Variants in HECW1 observed in about 807,000 individuals in gnomAD.
HECW1 encodes E3 ubiquitin-protein ligase HECW1.
HECW1 carries 61 observed loss-of-function variants against 182.3 expected under a neutral mutation model. That is an observed-to-expected ratio of 0.33 (90% CI 0.27 to 0.41). The LOEUF (loss-of-function observed/expected upper bound fraction) is 0.41, where lower values mean the gene tolerates loss of function less well. Among genes scored for constraint, HECW1 ranks in the 10% least tolerant of loss-of-function variants. The pLI is 1.00. For missense variants in HECW1, 1,739 were observed against 2,108.9 expected (o/e 0.82, Z 3.44); for synonymous variants, 859 against 832.6 (o/e 1.03, Z -0.55).
At chr7:43,233,589 G>C (rs540309880) in intron 2 of HECW1, among the ~76,000 whole-genome samples, 1 of 152,166 alleles carries the variant, frequency 6.6e-6, no homozygotes, top group Non-Finnish European at 1.5e-5. Context: ...TTTTATGAAA[G>C]CTTCCAAAAT....
chr7:43,483,365 A>C (rs1431905018), intron 17 of HECW1, among the ~76,000 whole-genome samples: 1 of 151,916 alleles, frequency 6.6e-6, no homozygotes, highest in East Asian at 1.9e-4. Context: ...CAGTTCCCCA[A>C]GTCATTATGA....
chr7:43,254,964 G>A (rs4640969), intron 3 of HECW1, among the ~76,000 whole-genome samples: 2 of 152,178 alleles, frequency 1.3e-5, no homozygotes, highest in Middle Eastern at 3.2e-3. Flanking sequence ...TGTTGACTAA[G>A]GATAGCTTTG....
At chr7:43,505,069 T>C (rs1374848123) in intron 21 of HECW1, among the ~76,000 whole-genome samples, 1 of 150,496 alleles carries the variant, frequency 6.6e-6, no homozygotes, top group Non-Finnish European at 1.5e-5. Context: ...TCCCTGGCCA[T>C]TCCCGCAGCC....
chr7:43,276,120 A>AT (rs930915203), intron 3 of HECW1, among the ~76,000 whole-genome samples: 4 of 151,890 alleles, frequency 2.6e-5, no homozygotes, highest in African/African-American at 4.8e-5. Context: ...TGACCTTTTC[A>AT]TTTTTTTTCT....
intron 15 of HECW1, among the ~76,000 whole-genome samples, chr7:43,466,974 A>G (rs1342862482): frequency 1.3e-5 from 2 of 152,198 alleles, no homozygotes; most frequent in South Asian, 2.1e-4. Flanking sequence ...TTTCCTTTTG[A>G]TATGGTTTTT....
At position 43,149,018 on chromosome 7, in the gene HECW1, G is replaced by A. The variant is rs78569613; in HGVS notation, c.-32+34627G>A. Among the ~76,000 whole-genome samples, 542 of 151,986 alleles carry A rather than the reference G, an allele frequency of 3.6e-3. 2 individuals are homozygous for A. The highest frequency in any genetic ancestry group is 0.013 in the African/African-American group (530 of 41,458). ...AATTGATAAACATAGAAGAAATTAA[G>A]GAAATACAAAATTACCATCAGAACA... On this transcript the variant is annotated intron_variant, in intron 2 of 29. Coordinates refer to ENST00000395891, the MANE Select transcript of HECW1 (RefSeq NM_015052.5).
intron 3 of HECW1, among the ~76,000 whole-genome samples, chr7:43,299,903 A>C (rs1207572504): frequency 6.6e-6 from 1 of 152,216 alleles, no homozygotes; most frequent in African/African-American, 2.4e-5. Context: ...AATAATTGCT[A>C]ATAAAGCAAT....
At chr7:43,518,945 G>A (rs187220471) in intron 24 of HECW1, among the ~76,000 whole-genome samples, 1 of 152,138 alleles carries the variant, frequency 6.6e-6, no homozygotes, top group East Asian at 1.9e-4. Context: ...CTTTCAGGGG[G>A]GAATGCAATC....
chr7:43,215,581 A>G (rs28609971), intron 2 of HECW1, among the ~76,000 whole-genome samples: 4,729 of 152,340 alleles, frequency 0.031, 251 homozygotes, highest in African/African-American at 0.11. Context: ...TTATTAATAC[A>G]ATATCTATCC....
At chr7:43,229,944 T>C (rs568836255) in intron 2 of HECW1, among the ~76,000 whole-genome samples, 1 of 152,346 alleles carries the variant, frequency 6.6e-6, no homozygotes, top group East Asian at 1.9e-4. Flanking sequence ...CGGTAACTTT[T>C]GCACCAGCCT....
At chr7:43,168,053 A>G (rs1490465339) in intron 2 of HECW1, among the ~76,000 whole-genome samples, 1 of 152,174 alleles carries the variant, frequency 6.6e-6, no homozygotes, top group African/African-American at 2.4e-5. Flanking sequence ...CCCGTGGTGT[A>G]CGCTTCCTTT....
At chr7:43,220,044 C>T (rs1796815636) in intron 2 of HECW1, among the ~76,000 whole-genome samples, 1 of 152,160 alleles carries the variant, frequency 6.6e-6, no homozygotes, top group Non-Finnish European at 1.5e-5. Flanking sequence ...AACACGGTCC[C>T]CCACACACTG....
chr7:43,523,084 A>G, intron 24 of HECW1: 2 of 423,496 alleles, frequency 4.7e-6, no homozygotes, highest in Non-Finnish European at 9.4e-6. Flanking sequence ...GCTCACTGCA[A>G]CCTCCTCCTC....
chr7:43,236,104 A>G, intron 2 of HECW1, among the ~76,000 whole-genome samples: 1 of 152,280 alleles, frequency 6.6e-6, no homozygotes, highest in Admixed American at 6.5e-5. Context: ...TATACAGTAA[A>G]TATGTTTATA....
intron 7 of HECW1, among the ~76,000 whole-genome samples, chr7:43,400,908 G>A (rs930366092): frequency 6.6e-6 from 1 of 152,142 alleles, no homozygotes; most frequent in Admixed American, 6.5e-5. Context: ...GCTTCTAGAG[G>A]CTGCCAGCAT....
At chr7:43,436,854 CT>C (rs772402345) in intron 8 of HECW1, among the ~76,000 whole-genome samples, 1 of 152,102 alleles carries the variant, frequency 6.6e-6, no homozygotes, top group Non-Finnish European at 1.5e-5. Context: ...CAAACAAGTA[CT>C]TTTTAAAATT....
chr7:43,139,226 C>A (rs1787898626), intron 2 of HECW1, among the ~76,000 whole-genome samples: 1 of 152,182 alleles, frequency 6.6e-6, no homozygotes, highest in South Asian at 2.1e-4. Context: ...GCATGAAACT[C>A]TTGTTCTTCA....
At chr7:43,276,408 C>T (rs2152744631) in intron 3 of HECW1, among the ~76,000 whole-genome samples, 1 of 152,062 alleles carries the variant, frequency 6.6e-6, no homozygotes, top group South Asian at 2.1e-4. Flanking sequence ...ATAAGTTTCT[C>T]ACACAGTCGT....
intron 2 of HECW1, among the ~76,000 whole-genome samples, chr7:43,194,076 A>G (rs1794196383): frequency 6.6e-6 from 1 of 152,076 alleles, no homozygotes; most frequent in Non-Finnish European, 1.5e-5. Flanking sequence ...CAATCTTGGG[A>G]TCTCTTTTAA....
Sources: gnomAD v4.1 joint callset for allele counts (sites outside exome capture counted in the v4.1 genomes callset) on GRCh38, gnomAD v4.1.1 for gene constraint, MANE v1.5 for transcripts, NCBI Gene and HGNC (gene_info 2026-07-23, HGNC 2026-07-21) for gene names.